The following KLF12 variants were observed in gnomAD, a reference collection of about 807,000 sequenced individuals.
KLF12 encodes Krueppel-like factor 12.
KLF12 carries 9 observed loss-of-function variants against 37.8 expected under a neutral mutation model. That is an observed-to-expected ratio of 0.24 (90% CI 0.14 to 0.42). The LOEUF is 0.42. Among genes scored for constraint, KLF12 ranks in the 10% least tolerant of loss-of-function variants. The pLI, the probability that KLF12 is intolerant of heterozygous loss-of-function variation, is 1.00. For synonymous variants in KLF12, 208 were observed against 202.1 expected (o/e 1.03, Z -0.25); for missense variants, 411 against 516.0 (o/e 0.80, Z 1.97).
intron 3 of KLF12, among the ~76,000 whole-genome samples, chr13:73,929,579 G>C (rs749504993): frequency 6.6e-5 from 10 of 152,202 alleles, no homozygotes; most frequent in Non-Finnish European, 1.5e-4. Flanking sequence ...AGTGGATAGA[G>C]ACACTTTTTC....
At chr13:74,127,888 G>A (rs188845875) in intron 1 of KLF12, among the ~76,000 whole-genome samples, 3 of 152,156 alleles carry the variant, frequency 2.0e-5, no homozygotes, top group African/African-American at 7.2e-5. Context: ...GATTTAACTG[G>A]GGATTTGCAG....
At chr13:73,849,441 GC>G (rs1885208724) in intron 3 of KLF12, among the ~76,000 whole-genome samples, 1 of 150,276 alleles carries the variant, frequency 6.7e-6, no homozygotes, top group Admixed American at 6.7e-5. Flanking sequence ...GTGTGGTTGT[GC>G]TGACAGGAAG....
intron 5 of KLF12, among the ~76,000 whole-genome samples, chr13:73,794,977 C>G (rs1215506454): frequency 1.3e-5 from 2 of 152,182 alleles, no homozygotes; most frequent in African/African-American, 4.8e-5. Flanking sequence ...CGTCTTTGTG[C>G]TCCTGTCTCC....
At chr13:73,752,857 C>T (rs534987794) in intron 6 of KLF12, among the ~76,000 whole-genome samples, 6 of 151,982 alleles carry the variant, frequency 3.9e-5, no homozygotes, top group East Asian at 1.9e-4. Flanking sequence ...GCTGGGATTA[C>T]AGGTGCCCGC....
At chr13:74,103,927 TA>T (rs1223602117) in intron 1 of KLF12, among the ~76,000 whole-genome samples, 1 of 152,150 alleles carries the variant, frequency 6.6e-6, no homozygotes, top group African/African-American at 2.4e-5. Flanking sequence ...TCTATGGGGT[TA>T]AGTAAAGCCT....
intron 3 of KLF12, among the ~76,000 whole-genome samples, chr13:73,940,354 G>A (rs1890134030): frequency 6.6e-6 from 1 of 152,086 alleles, no homozygotes; most frequent in Non-Finnish European, 1.5e-5. Context: ...CAAGAAAACC[G>A]AAGTCACATT....
intron 3 of KLF12, among the ~76,000 whole-genome samples, chr13:73,916,894 T>G (rs1229108827): frequency 3.9e-5 from 6 of 152,228 alleles, no homozygotes; most frequent in African/African-American, 1.2e-4. Context: ...TAATTGTCCT[T>G]ATTTGTTAAC....
upstream of KLF12, among the ~76,000 whole-genome samples, chr13:74,134,875 G>A (rs967341633): frequency 1.3e-5 from 2 of 152,034 alleles, no homozygotes; most frequent in Admixed American, 1.3e-4. Context: ...AGTGGAGGGA[G>A]GGGGCTGTCG....
chr13:74,287,828 T>C, the KLF12 span, among the ~76,000 whole-genome samples: 1 of 152,220 alleles, frequency 6.6e-6, no homozygotes, highest in East Asian at 1.9e-4. Flanking sequence ...GAGCAACTTG[T>C]GTGCAAAGTC....
intron 3 of KLF12, among the ~76,000 whole-genome samples, chr13:73,871,233 G>C (rs534021056): frequency 1.3e-5 from 2 of 152,120 alleles, no homozygotes; most frequent in Admixed American, 6.6e-5. Context: ...TGTAGTACTC[G>C]CAACAGCAGC....
chr13:73,710,690 C>A (rs1461654255), intron 7 of KLF12, among the ~76,000 whole-genome samples: 1 of 152,116 alleles, frequency 6.6e-6, no homozygotes, highest in Admixed American at 6.5e-5. Context: ...CATCACTGAC[C>A]AGCTGCTACC....
intron 4 of KLF12, among the ~76,000 whole-genome samples, 196 bp downstream of exon 4, chr13:73,845,631 G>C (rs921755214): frequency 2.6e-5 from 4 of 152,128 alleles, no homozygotes; most frequent in African/African-American, 7.2e-5. Context: ...CAAAACTGGA[G>C]CATATACCTA....
At chr13:74,280,931 T>C in the KLF12 span, among the ~76,000 whole-genome samples, 66 of 148,482 alleles carry the variant, frequency 4.4e-4, no homozygotes, top group African/African-American at 1.6e-3. Flanking sequence ...CACAATCAGA[T>C]AGCCACTACT....
chr13:74,249,157 T>G, the KLF12 span, among the ~76,000 whole-genome samples: 10 of 151,314 alleles, frequency 6.6e-5, no homozygotes, highest in Admixed American at 6.6e-4. Flanking sequence ...GCCTCAAGAT[T>G]TTTTTTTTAA....
chr13:73,708,666 A>C (rs1460330860), intron 7 of KLF12, among the ~76,000 whole-genome samples: 1 of 152,142 alleles, frequency 6.6e-6, no homozygotes, highest in East Asian at 1.9e-4. Flanking sequence ...ATTTTTTAGA[A>C]AATAGTGAGA....
At chr13:74,195,547 G>A in the KLF12 span, among the ~76,000 whole-genome samples, 1 of 152,122 alleles carries the variant, frequency 6.6e-6, no homozygotes, top group Admixed American at 6.6e-5. Flanking sequence ...TTCCTACCTT[G>A]AGAGGCAAGA....
At position 73,946,003 on chromosome 13, in the gene KLF12, A is replaced by T. The variant is rs577782125; in HGVS notation, c.34-1933T>A. ...TGTGTCACTGGCTTCCGAGGTTGGC[A>T]GCAGCCAGCTTGGCTTACCACCATC... On this transcript the variant is annotated intron_variant, in intron 2 of 7. Transcript: ENST00000377669. Among the ~76,000 whole-genome samples the T allele has an allele frequency of 1.1e-4, 16 of 152,270 alleles. No homozygotes were observed. In the East Asian group the frequency reaches 2.3e-3, roughly 22 times the overall value.
intron 3 of KLF12, among the ~76,000 whole-genome samples, chr13:73,871,123 G>A (rs2138873071): frequency 6.6e-6 from 1 of 152,278 alleles, no homozygotes; most frequent in African/African-American, 2.4e-5. Context: ...TCAGAAGGAG[G>A]AAATGAGAGG....
chr13:73,814,412 C>A (rs1883107224), intron 4 of KLF12, among the ~76,000 whole-genome samples: 1 of 152,088 alleles, frequency 6.6e-6, no homozygotes. Context: ...CCATTTTTAC[C>A]CACGAAATGG....
Sources: allele counts gnomAD v4.1 joint callset (sites outside exome capture counted in the v4.1 genomes callset), GRCh38; gene constraint gnomAD v4.1.1; transcripts MANE v1.5; gene names NCBI Gene and HGNC (gene_info 2026-07-23, HGNC 2026-07-21).